The following PPP1R9A variants were observed in gnomAD, a reference collection of about 807,000 sequenced individuals.
PPP1R9A encodes neurabin-1.
A neutral mutation model predicts 141.9 loss-of-function variants in PPP1R9A; 59 were observed. The ratio of observed to expected loss-of-function variants is 0.42; its 90% CI spans 0.34 to 0.52. The LOEUF (loss-of-function observed/expected upper bound fraction) is 0.52, where lower values mean the gene tolerates loss of function less well. Ranked by LOEUF, PPP1R9A falls within the 20% of genes least tolerant of loss-of-function variation. The probability of loss-of-function intolerance (pLI) is 0.10; values close to 1 mark genes in which losing one functional copy is unlikely to be tolerated. For missense variants in PPP1R9A, 1,444 were observed against 1,611.9 expected (o/e 0.90, Z 1.78); for synonymous variants, 500 against 569.7 (o/e 0.88, Z 1.74).
intron 7 of PPP1R9A, among the ~76,000 whole-genome samples, chr7:95,217,688 T>C (rs1585306833): frequency 1.3e-5 from 2 of 152,318 alleles, no homozygotes; most frequent in East Asian, 3.9e-4. Context: ...TTCTTCCTGG[T>C]TTAGTCTTAG....
Position 95,007,444 on chromosome 7 carries a change from C to T in PPP1R9A, c.1395+95936C>T, listed in dbSNP as rs144635461. ...AATGTCCTCTGGAGGGCAAAATCTGCGGTTGAGAACCACTGCTCTAGGGCA... is the reference window on the plus strand; with the variant it reads ...AATGTCCTCTGGAGGGCAAAATCTGTGGTTGAGAACCACTGCTCTAGGGCA... On this transcript the variant is annotated intron_variant, in intron 2 of 19. Transcript: ENST00000433360. Among the ~76,000 whole-genome samples the T allele has an allele frequency of 2.9e-3, 443 of 152,206 alleles. 4 individuals carry two copies. The highest frequency in any genetic ancestry group is 0.01 in the African/African-American group (424 of 41,538).
At chr7:95,173,536 T>C (rs1437550597) in intron 5 of PPP1R9A, among the ~76,000 whole-genome samples, 1 of 151,972 alleles carries the variant, frequency 6.6e-6, no homozygotes, top group Non-Finnish European at 1.5e-5. Flanking sequence ...TTAAAACATT[T>C]GTTACAAAAT....
At chr7:95,057,352 G>A (rs528058763) in intron 2 of PPP1R9A, among the ~76,000 whole-genome samples, 25 of 152,158 alleles carry the variant, frequency 1.6e-4, no homozygotes, top group South Asian at 4.1e-4. Context: ...AATTGTCTCC[G>A]TAGTAATTAA....
intron 16 of PPP1R9A, among the ~76,000 whole-genome samples, chr7:95,276,493 T>C (rs1463341611): frequency 6.6e-6 from 1 of 152,154 alleles, no homozygotes; most frequent in Non-Finnish European, 1.5e-5. Context: ...CACTGTATTT[T>C]TAAAACTCTG....
At chr7:94,980,252 C>T (rs71562877) in intron 2 of PPP1R9A, among the ~76,000 whole-genome samples, 9,948 of 151,900 alleles carry the variant, frequency 0.065, 452 homozygotes, top group East Asian at 0.14. Flanking sequence ...TGTGTTGGGC[C>T]GCTTTCAAAG....
intron 2 of PPP1R9A, among the ~76,000 whole-genome samples, chr7:95,069,871 TA>T (rs776677340): frequency 6.6e-6 from 1 of 152,180 alleles, no homozygotes; most frequent in Non-Finnish European, 1.5e-5. Context: ...TCATGTTACT[TA>T]GCTTACTGTA....
chr7:95,122,296 A>G (rs1822771462), intron 4 of PPP1R9A, among the ~76,000 whole-genome samples: 1 of 152,016 alleles, frequency 6.6e-6, no homozygotes, highest in Admixed American at 6.6e-5. Context: ...ACAGGTGTGG[A>G]CCACCACGCC....
chr7:95,037,332 C>A (rs866355915), intron 2 of PPP1R9A, among the ~76,000 whole-genome samples: 2 of 151,834 alleles, frequency 1.3e-5, no homozygotes, highest in Admixed American at 6.6e-5. Flanking sequence ...ATTGATTCTC[C>A]TTGTTTTCTG....
intron 2 of PPP1R9A, among the ~76,000 whole-genome samples, chr7:95,000,265 A>T (rs1051105307): frequency 6.6e-6 from 1 of 152,218 alleles, no homozygotes; most frequent in African/African-American, 2.4e-5. Flanking sequence ...ATGAGAAAAT[A>T]AATCTGTTCT....
intron 4 of PPP1R9A, among the ~76,000 whole-genome samples, chr7:95,138,469 A>G (rs923515040): frequency 6.6e-6 from 1 of 152,240 alleles, no homozygotes; most frequent in Non-Finnish European, 1.5e-5. Flanking sequence ...ATATTAAACA[A>G]AGATTTCTGA....
intron 2 of PPP1R9A, among the ~76,000 whole-genome samples, chr7:95,032,874 T>C (rs1274760313): frequency 2.6e-5 from 4 of 152,184 alleles, no homozygotes; most frequent in Admixed American, 2.6e-4. Flanking sequence ...TGTCTTCACC[T>C]CAGAAGTCTC....
intron 3 of PPP1R9A, among the ~76,000 whole-genome samples, chr7:95,115,351 T>C (rs1821293900): frequency 3.9e-5 from 6 of 152,116 alleles, no homozygotes; most frequent in Admixed American, 3.9e-4. Context: ...ATAGACTAAT[T>C]GCTATAGAAG....
At chr7:95,283,850 AG>A (rs1244027723) in intron 16 of PPP1R9A, among the ~76,000 whole-genome samples, 167 bp from the exon 17 acceptor site, 1 of 152,246 alleles carries the variant, frequency 6.6e-6, no homozygotes, top group African/African-American at 2.4e-5. Flanking sequence ...AGAGGCAAAA[AG>A]ATAACTATTA....
intron 2 of PPP1R9A, among the ~76,000 whole-genome samples, chr7:94,987,080 T>A (rs1800946200): frequency 6.6e-6 from 1 of 152,184 alleles, no homozygotes; most frequent in African/African-American, 2.4e-5. Flanking sequence ...CAGTGAAGTT[T>A]AGGAATAAAA....
rs528908437 is a variant in PPP1R9A at position 94,998,300 on chromosome 7, C to T, written c.1395+86792C>T. On this transcript the variant is annotated intron_variant, in intron 2 of 19. Transcript: ENST00000433360. ...GGTCTCTACCTAACACCAAAGCAATCTGGTACTCCCAAAAATAAAATTTGA... is the reference window on the plus strand; with the variant it reads ...GGTCTCTACCTAACACCAAAGCAATTTGGTACTCCCAAAAATAAAATTTGA... Among the ~76,000 whole-genome samples the T allele has an allele frequency of 9.2e-5, 14 of 152,278 alleles. No individual in the cohort carries two copies. The South Asian group carries it at 2.9e-3, about 32-fold the overall frequency.
At chr7:95,038,883 TAAAG>T (rs1416362633) in intron 2 of PPP1R9A, among the ~76,000 whole-genome samples, 1 of 152,074 alleles carries the variant, frequency 6.6e-6, no homozygotes, top group Non-Finnish European at 1.5e-5. Flanking sequence ...GAAGAGTACT[TAAAG>T]AAACCCATAG....
chr7:94,924,981 G>T (rs1793290895), intron 2 of PPP1R9A, among the ~76,000 whole-genome samples: 1 of 152,152 alleles, frequency 6.6e-6, no homozygotes, highest in Admixed American at 6.5e-5. Flanking sequence ...ATTTCTGAAG[G>T]TATCCTTTTT....
chr7:95,059,120 T>C (rs1428624014), intron 2 of PPP1R9A, among the ~76,000 whole-genome samples: 1 of 152,174 alleles, frequency 6.6e-6, no homozygotes, highest in African/African-American at 2.4e-5. Context: ...CTTTAGTTAT[T>C]CATGTATCAC....
rs186422930 is a variant in PPP1R9A at position 95,231,423 on chromosome 7, C to A, written c.2112+5307C>A. Among the ~76,000 whole-genome samples the A allele has an allele frequency of 2.1e-3, 316 of 152,226 alleles. 22 individuals carry two copies. The highest frequency in any genetic ancestry group is 1.7e-3 in the Non-Finnish European group (118 of 68,000). ...ACTTCACAGATATTTGTGGAACATT[C>A]TACCCAACAATTGCAGAATATACAT... On this transcript the variant is annotated intron_variant, in intron 8 of 19. Coordinates refer to ENST00000433360, the MANE Select transcript of PPP1R9A (RefSeq NM_001166160.2).
Sources: gnomAD v4.1 joint callset for allele counts (sites outside exome capture counted in the v4.1 genomes callset) on GRCh38, gnomAD v4.1.1 for gene constraint, MANE v1.5 for transcripts, NCBI Gene and HGNC (gene_info 2026-07-23, HGNC 2026-07-21) for gene names.